Variants in ASPH observed in about 807,000 individuals in gnomAD.
ASPH encodes the protein aspartyl/asparaginyl beta-hydroxylase.
ASPH carries 100 observed loss-of-function variants against 118.4 expected under a neutral mutation model. The ratio of observed to expected loss-of-function variants is 0.84; its 90% confidence interval spans 0.72 to 1.00. The LOEUF is 1.00. Ranked by LOEUF, ASPH falls within the 50% of genes least tolerant of loss-of-function variation. ASPH has a pLI of 0.00. For synonymous variants in ASPH, 315 were observed against 325.6 expected, an observed-to-expected ratio of 0.97 and a Z score of 0.35; for missense variants, 920 against 919.5, an observed-to-expected ratio of 1.00 and a Z score of -0.01.
At chr8:61,588,703 A>T (rs1382659039) in intron 14 of ASPH, among the ~76,000 whole-genome samples, 2 of 152,202 alleles carry the variant, frequency 1.3e-5, no homozygotes, top group Non-Finnish European at 2.9e-5. Flanking sequence ...AGATCCCCAG[A>T]ACATAAAAAA....
intron 22 of ASPH, among the ~76,000 whole-genome samples, chr8:61,523,323 T>TC (rs71257367): frequency 2.3e-4 from 33 of 141,514 alleles, no homozygotes; most frequent in East Asian, 4.1e-4. Flanking sequence ...TTTCTTTCTT[T>TC]TTTTTTTTTT....
chr8:61,658,097 TCAATA>T (rs532519508), intron 3 of ASPH: 1 of 151,984 alleles, frequency 6.6e-6, no homozygotes, highest in Non-Finnish European at 1.5e-5. Flanking sequence ...TTCTGGAAAA[TCAATA>T]CACCAGAAAG....
intron 14 of ASPH, among the ~76,000 whole-genome samples, chr8:61,597,844 A>G (rs1212024071): frequency 6.6e-6 from 1 of 152,234 alleles, no homozygotes; most frequent in East Asian, 1.9e-4. Flanking sequence ...GACAGAATTT[A>G]TCACCACTAA....
Position 61,556,030 on chromosome 8 carries a change from CA to C in ASPH, c.1438-9del, listed in dbSNP as rs751072536. Reference sequence around the variant, plus strand: ...AGGTGTCACACTCAGCACCTAAACTCAAAGAAAACACAGAACATAACTCAAA... The same window carrying C: ...AGGTGTCACACTCAGCACCTAAACTCAAGAAAACACAGAACATAACTCAAA... On this transcript the variant is annotated splice_polypyrimidine_tract_variant and intron_variant, in intron 18 of 24. Coordinates refer to ENST00000379454, the MANE Select transcript of ASPH (RefSeq NM_004318.4). 2 of 1,610,830 alleles carry C rather than the reference CA, an allele frequency of 1.2e-6. No homozygotes were observed. Among genetic ancestry groups the C allele is most frequent in the East Asian group, 4.5e-5 (2 of 44,796 alleles).
chr8:61,594,277 A>C (rs185108703), intron 14 of ASPH, among the ~76,000 whole-genome samples: 69 of 152,248 alleles, frequency 4.5e-4, no homozygotes, highest in African/African-American at 1.6e-3. Context: ...TGCTTTAGAA[A>C]ATATCACCCG....
chr8:61,690,126 T>C (rs767368615), intron 1 of ASPH, among the ~76,000 whole-genome samples: 33 of 152,138 alleles, frequency 2.2e-4, no homozygotes, highest in Non-Finnish European at 4.4e-4. Context: ...CTCAAACAAG[T>C]CTTGCTATAA....
intron 24 of ASPH, among the ~76,000 whole-genome samples, chr8:61,510,675 T>C (rs780462147): frequency 1.4e-4 from 22 of 152,168 alleles, no homozygotes; most frequent in Non-Finnish European, 2.1e-4. Flanking sequence ...AGACACACCA[T>C]TGGGTCACAG....
chr8:61,635,293 AGATT>A (rs1857239652), intron 12 of ASPH, among the ~76,000 whole-genome samples: 1 of 152,082 alleles, frequency 6.6e-6, no homozygotes, highest in Admixed American at 6.6e-5. Flanking sequence ...TCACAATATT[AGATT>A]CTTAGAGCTC....
At chr8:61,564,939 G>A (rs1563837567) in intron 17 of ASPH, among the ~76,000 whole-genome samples, 2 of 152,142 alleles carry the variant, frequency 1.3e-5, no homozygotes, top group South Asian at 4.1e-4. Context: ...ACCTGCCTTG[G>A]CAGTGACTCA....
At chr8:61,664,403 CT>C (rs1220610266) in intron 3 of ASPH, 1 of 974,268 alleles carries the variant, frequency 1.0e-6, no homozygotes, top group African/African-American at 1.8e-5. Flanking sequence ...TATTCTAAGA[CT>C]ATAAAGGTAT....
chr8:61,643,237 C>T, intron 9 of ASPH, 149 bp downstream of exon 9: 3 of 739,596 alleles, frequency 4.1e-6, no homozygotes, highest in Non-Finnish European at 6.3e-6. Flanking sequence ...TTATAACAGT[C>T]TAACTTTGTT....
intron 13 of ASPH, chr8:61,626,372 C>A: frequency 7.6e-7 from 1 of 1,323,706 alleles, no homozygotes; most frequent in South Asian, 2.4e-5. Flanking sequence ...AAAAAACCCA[C>A]CAACAAAGTA....
rs56724301 is a variant in ASPH at position 61,699,027 on chromosome 8, C to T, written c.104-14839G>A. ...TGATAACAGTGTCTTTGCCTGGGGG[C>T]TTTGGCCACTGGACAGCCTAACCAA... On this transcript the variant is annotated intron_variant, in intron 1 of 24. Transcript: ENST00000379454. Among the ~76,000 whole-genome samples, 959 of 152,316 alleles carry T rather than the reference C, an allele frequency of 6.3e-3. 13 individuals carry two copies. The highest frequency in any genetic ancestry group is 0.022 in the African/African-American group (902 of 41,566).
rs78469859 is a variant in ASPH at position 61,626,385 on chromosome 8, T to A, written c.934+7298A>T. ...TTAAAAAACCCACCAACAAAGTAAT[T>A]TTTTTTTTTTGGTGTTTGTTTTTAA... On this transcript the variant is annotated intron_variant, in intron 13 of 24. Coordinates refer to ENST00000379454, the MANE Select transcript of ASPH (RefSeq NM_004318.4). The A allele has an allele frequency of 0.13, 156,972 of 1,249,112 alleles. 7,551 individuals are homozygous for A. The highest frequency in any genetic ancestry group is 0.14 in the Non-Finnish European group (135,002 of 978,042). 77.4% of individuals were successfully genotyped at this position (1,249,112 alleles called of 1,614,324 possible).
chr8:61,574,924 G>A (rs1834632859), intron 16 of ASPH, among the ~76,000 whole-genome samples: 1 of 152,128 alleles, frequency 6.6e-6, no homozygotes, highest in African/African-American at 2.4e-5. Context: ...AATAAAATCT[G>A]CAAGGTCACA....
At chr8:61,616,843 T>C (rs1249871924) in intron 14 of ASPH, among the ~76,000 whole-genome samples, 2 of 152,224 alleles carry the variant, frequency 1.3e-5, no homozygotes, top group East Asian at 1.9e-4. Context: ...TCTGTGTGTG[T>C]ACTGCTGGTC....
intron 3 of ASPH, among the ~76,000 whole-genome samples, chr8:61,673,820 T>TCACA (rs374632583): frequency 1.2e-4 from 18 of 150,754 alleles, no homozygotes; most frequent in Non-Finnish European, 2.5e-4. Context: ...TTTATCTCTC[T>TCACA]CACACACACA....
intron 5 of ASPH, among the ~76,000 whole-genome samples, chr8:61,648,694 G>C (rs941241791): frequency 3.9e-5 from 6 of 152,252 alleles, no homozygotes; most frequent in African/African-American, 1.4e-4. Flanking sequence ...AATTTCCTAA[G>C]GGGTCATGAG....
chr8:61,596,235 G>A (rs1842476439), intron 14 of ASPH, among the ~76,000 whole-genome samples: 1 of 152,120 alleles, frequency 6.6e-6, no homozygotes, highest in Non-Finnish European at 1.5e-5. Flanking sequence ...TGCCTTCCAG[G>A]GGCCTGAGGA....
Sources: gnomAD v4.1 joint callset for allele counts (sites outside exome capture counted in the v4.1 genomes callset) on GRCh38, gnomAD v4.1.1 for gene constraint, MANE v1.5 for transcripts, NCBI Gene and HGNC (gene_info 2026-07-23, HGNC 2026-07-21) for gene names.